GPR149: variants seen among roughly 807,000 people sequenced by gnomAD.
The protein encoded by GPR149 is probable G protein-coupled receptor 149.
A neutral mutation model predicts 50.2 loss-of-function variants in GPR149; 50 were observed. The observed-to-expected ratio is 1.00, with a 90% CI of 0.79 to 1.26. GPR149 has a LOEUF of 1.26. Ranked by LOEUF, GPR149 falls within the 50% of genes most tolerant of loss-of-function variation. GPR149 has a pLI of 0.00. For missense variants in GPR149, 983 were observed against 895.4 expected (o/e 1.10, Z -1.25); for synonymous variants, 405 against 358.2 (o/e 1.13, Z -1.48).
At chr3:154,412,199 C>A (rs1711855897) in intron 3 of GPR149, among the ~76,000 whole-genome samples, 1 of 152,028 alleles carries the variant, frequency 6.6e-6, no homozygotes, top group Non-Finnish European at 1.5e-5. Flanking sequence ...AGGGACATAT[C>A]CTAAGGTAAT....
chr3:154,414,878 T>G (rs186676312), intron 3 of GPR149, among the ~76,000 whole-genome samples: 1 of 152,020 alleles, frequency 6.6e-6, no homozygotes, highest in Admixed American at 6.6e-5. Context: ...TAAGGAGACA[T>G]AAAAACAAGT....
At chr3:154,352,784 T>C (rs1296214952) in intron 3 of GPR149, 3 of 810,716 alleles carry the variant, frequency 3.7e-6, no homozygotes, top group Non-Finnish European at 2.2e-6. Context: ...AAATCCATTG[T>C]AGAAGGAACA....
intron 3 of GPR149, among the ~76,000 whole-genome samples, chr3:154,380,734 C>T (rs1296599628): frequency 6.6e-6 from 1 of 152,016 alleles, no homozygotes; most frequent in Non-Finnish European, 1.5e-5. Flanking sequence ...TGAAAACCTA[C>T]TAGCTTAACC....
At chr3:154,348,729 G>A (rs1559970264) in intron 3 of GPR149, among the ~76,000 whole-genome samples, 1 of 152,104 alleles carries the variant, frequency 6.6e-6, no homozygotes, top group Non-Finnish European at 1.5e-5. Flanking sequence ...GTGTAGAAGA[G>A]CATCATTAAT....
intron 3 of GPR149, among the ~76,000 whole-genome samples, chr3:154,342,804 TAA>T (rs1002077987): frequency 6.6e-6 from 1 of 152,144 alleles, no homozygotes. Context: ...CCAGCAGAAA[TAA>T]AAAGATTGAT....
chr3:154,343,178 A>G (rs1220867627), intron 3 of GPR149, among the ~76,000 whole-genome samples: 8 of 152,202 alleles, frequency 5.3e-5, no homozygotes, highest in African/African-American at 9.6e-5. Flanking sequence ...GTCATGAGAA[A>G]TCAGCCCAGA....
Position 154,421,242 on chromosome 3 carries a change from T to G in GPR149, c.1420A>C (p.Thr474Pro), listed in dbSNP as rs757480859. The G allele has an allele frequency of 1.2e-6, 2 of 1,613,570 alleles. No individual in the cohort carries two copies. Among genetic ancestry groups the G allele is most frequent in the Non-Finnish European group, 1.7e-6 (2 of 1,179,620 alleles). ...SSTQRGINKC[T>P]NTDITEAKQD... ...TTAGCTTCTGTAATATCAGTATTTG[T>G]GCATTTGTTGATGCCTCTTTGTGTG... The change falls in exon 3 of 4, where the codon ACA becomes CCA. Residue 474 changes from threonine to proline, a missense_variant. By Grantham distance (38) the Thr-to-Pro change is conservative (BLOSUM62 -1). Coordinates refer to ENST00000389740, the MANE Select transcript of GPR149 (RefSeq NM_001038705.3).
At chr3:154,374,839 C>T (rs918299105) in intron 3 of GPR149, among the ~76,000 whole-genome samples, 50 of 152,136 alleles carry the variant, frequency 3.3e-4, no homozygotes, top group African/African-American at 1.1e-3. Context: ...ATGGGCTAAG[C>T]AAACCTACTG....
chr3:154,406,980 C>A (rs542344825), intron 3 of GPR149, among the ~76,000 whole-genome samples: 3 of 152,088 alleles, frequency 2.0e-5, no homozygotes, highest in Non-Finnish European at 4.4e-5. Flanking sequence ...TGTCTTAGAT[C>A]GTGGCAGGCA....
At chr3:154,338,516 C>T (rs928490825) in intron 3 of GPR149, among the ~76,000 whole-genome samples, 2 of 152,122 alleles carry the variant, frequency 1.3e-5, no homozygotes, top group African/African-American at 4.8e-5. Flanking sequence ...GGGCATATTT[C>T]CCCAGTTAAA....
At chr3:154,388,748 G>T (rs1306955728) in intron 3 of GPR149, among the ~76,000 whole-genome samples, 3 of 152,058 alleles carry the variant, frequency 2.0e-5, no homozygotes, top group Admixed American at 6.6e-5. Context: ...TGTGCTGGAG[G>T]TTGACCATCC....
At chr3:154,357,204 T>A (rs1435936542) in intron 3 of GPR149, among the ~76,000 whole-genome samples, 1 of 152,070 alleles carries the variant, frequency 6.6e-6, no homozygotes, top group Non-Finnish European at 1.5e-5. Flanking sequence ...AAGACTTAAA[T>A]GTTAGACCTG....
At chr3:154,338,323 G>A (rs1713706521) in intron 3 of GPR149, 52 bp from the exon 4 acceptor site, 3 of 1,339,172 alleles carry the variant, frequency 2.2e-6, no homozygotes, top group East Asian at 2.3e-5. Context: ...CTGAGGTTGA[G>A]ACATTTAGAA....
intron 3 of GPR149, among the ~76,000 whole-genome samples, chr3:154,362,220 C>A (rs556498846): frequency 7.3e-6 from 1 of 137,196 alleles, no homozygotes; most frequent in Non-Finnish European, 1.5e-5. Flanking sequence ...ACCCGGGAGG[C>A]GGAGCCTGCA....
chr3:154,359,351 T>C (rs982615008), intron 3 of GPR149, among the ~76,000 whole-genome samples: 2 of 152,194 alleles, frequency 1.3e-5, no homozygotes, highest in Non-Finnish European at 2.9e-5. Context: ...AGTTACATGC[T>C]ATTTGGAAGG....
In GPR149 at chr3:154,429,290, G is replaced by A. The variant is rs1382102694; in HGVS notation, c.326C>T (p.Ala109Val). Reference sequence around the variant, plus strand: ...GAGGCCCTGGCATAAATACATTAAGGCAGAGGTGGTGCACAGAAATTGGAA... The same window carrying A: ...GAGGCCCTGGCATAAATACATTAAGACAGAGGTGGTGCACAGAAATTGGAA... ...GYFQFLCTTS[A>V]LMYLCQGLSS... Residue 109 changes from alanine (A) to valine (V), a missense_variant, in exon 1 of 4, where the codon GCC (alanine) becomes GTC (valine). Physicochemically the swap from Ala to Val is moderately conservative, Grantham distance 64. Transcript: ENST00000389740. 6 of 1,614,150 alleles carry A rather than the reference G, an allele frequency of 3.7e-6. No homozygotes were observed. Among genetic ancestry groups the A allele is most frequent in the Non-Finnish European group, 5.1e-6 (6 of 1,180,020 alleles).
chr3:154,386,970 C>G (rs1171419040), intron 3 of GPR149, among the ~76,000 whole-genome samples: 2 of 61,244 alleles, frequency 3.3e-5, no homozygotes, highest in Non-Finnish European at 5.4e-5. Flanking sequence ...GTATATTTTT[C>G]TCCTTTTTTT....
chr3:154,375,331 T>C (rs914507578), intron 3 of GPR149, among the ~76,000 whole-genome samples: 5 of 152,178 alleles, frequency 3.3e-5, no homozygotes, highest in African/African-American at 9.7e-5. Flanking sequence ...TTTTTTCCTC[T>C]ATTTCCTCTA....
chr3:154,385,522 G>A (rs696851), intron 3 of GPR149, among the ~76,000 whole-genome samples: 117,325 of 151,988 alleles, frequency 0.77, 46,223 homozygotes, highest in Middle Eastern at 0.91. Context: ...ACTCTGGGTA[G>A]GATGTTGATT....
Sources: gnomAD v4.1 joint callset for allele counts (sites outside exome capture counted in the v4.1 genomes callset) on GRCh38, gnomAD v4.1.1 for gene constraint, MANE v1.5 for transcripts, NCBI Gene and HGNC (gene_info 2026-07-23, HGNC 2026-07-21) for gene names.